Variants in PCDHGB1 observed in about 807,000 individuals in gnomAD.
PCDHGB1 encodes protocadherin gamma-B1.
A neutral mutation model predicts 56.6 loss-of-function variants in PCDHGB1; 34 were observed. That is an observed-to-expected ratio of 0.60 (90% CI 0.46 to 0.80). The LOEUF is 0.80. Ranked by LOEUF, PCDHGB1 falls within the 30% of genes least tolerant of loss-of-function variation. The probability of loss-of-function intolerance (pLI) is 0.00; values close to 1 mark genes in which losing one functional copy is unlikely to be tolerated. For missense variants in PCDHGB1, 1,278 were observed against 1,204.6 expected (o/e 1.06, Z -0.90); for synonymous variants, 561 against 505.9 (o/e 1.11, Z -1.46).
chr5:141,419,140 G>C, intron 1 of PCDHGB1: 1 of 1,613,868 alleles, frequency 6.2e-7, no homozygotes, highest in Non-Finnish European at 8.5e-7. Flanking sequence ...CCACAGACAG[G>C]GGCAAGCCTC....
chr5:141,403,856 T>A, intron 1 of PCDHGB1: 1 of 1,613,604 alleles, frequency 6.2e-7, no homozygotes, highest in Non-Finnish European at 8.5e-7. Context: ...TGGGGAAATA[T>A]CAACAGCAAA....
At chr5:141,438,571 T>TATAC (rs1212381177) in intron 1 of PCDHGB1, among the ~76,000 whole-genome samples, 15 of 94,542 alleles carry the variant, frequency 1.6e-4, no homozygotes, top group South Asian at 1.0e-3. Flanking sequence ...AGCTGTCTGA[T>TATAC]ATACATACAT....
intron 1 of PCDHGB1, among the ~76,000 whole-genome samples, chr5:141,444,462 C>T (rs1314366280): frequency 3.3e-5 from 5 of 152,002 alleles, no homozygotes; most frequent in African/African-American, 9.7e-5. Flanking sequence ...TGAGTCACTG[C>T]GCCCGGTCGC....
intron 1 of PCDHGB1, chr5:141,365,372 A>T (rs1763874663): frequency 6.2e-7 from 1 of 1,613,798 alleles, no homozygotes; most frequent in African/African-American, 1.3e-5. Flanking sequence ...CCCCGAAGTG[A>T]TCCTCACCTC....
chr5:141,489,287 T>C lies in PCDHGB1; in HGVS notation c.2410-5520T>C. 1 of 1,573,410 alleles carries C rather than the reference T, an allele frequency of 6.4e-7. No individual in the cohort carries two copies. Among genetic ancestry groups the C allele is most frequent in the Non-Finnish European group, 8.6e-7 (1 of 1,159,858 alleles). ...CAGCTCGCTGGGAAATGGCAAGTGC[T>C]GTGCATGTTGTCCTTGTGCTGCTGG... On this transcript the variant is annotated intron_variant, in intron 1 of 3. Transcript: ENST00000523390. The surrounding 1 kb of genome is among the most constrained non-coding windows in gnomAD (Gnocchi z 4.5).
intron 1 of PCDHGB1, among the ~76,000 whole-genome samples, chr5:141,379,998 C>A (rs560610207): frequency 7.1e-6 from 1 of 140,462 alleles, no homozygotes; most frequent in South Asian, 2.4e-4. Flanking sequence ...CTCCTGGGTT[C>A]AAGCGATTCT....
rs778744503 is a variant in PCDHGB1, at chr5:141,511,152, G to A, written c.2763G>A (p.Ser921=). Residue 921 remains serine (S), a synonymous_variant, in exon 4 of 4, where the codon TCG becomes TCA. Transcript: ENST00000523390. The part of the protein sequence containing the change: ...PAGGNGNKKK[S]GKKEKK ...GTGGCAATGGCAACAAGAAGAAGTCGGGCAAGAAGGAGAAGAAGTAACATG... is the reference window on the plus strand; with the variant it reads ...GTGGCAATGGCAACAAGAAGAAGTCAGGCAAGAAGGAGAAGAAGTAACATG... The A allele has an allele frequency of 2.0e-5, 32 of 1,614,022 alleles. No individual in the cohort carries two copies. Among genetic ancestry groups the A allele is most frequent in the South Asian group, 4.4e-5 (4 of 91,090 alleles).
At chr5:141,389,671 C>T in intron 1 of PCDHGB1, 1 of 1,612,458 alleles carries the variant, frequency 6.2e-7, no homozygotes, top group Non-Finnish European at 8.5e-7. Flanking sequence ...GACGCAGACT[C>T]AGGACACAAC....
intron 1 of PCDHGB1, among the ~76,000 whole-genome samples, chr5:141,481,655 T>A (rs933683728): frequency 1.3e-5 from 2 of 152,054 alleles, no homozygotes; most frequent in African/African-American, 4.8e-5. Flanking sequence ...TCATCTCTAC[T>A]AATAATACAA....
At position 141,491,049 on chromosome 5, in the gene PCDHGB1, G is replaced by C; in HGVS notation, c.2410-3758G>C. The C allele has an allele frequency of 1.2e-6, 2 of 1,614,116 alleles. No homozygotes were observed. Among genetic ancestry groups the C allele is most frequent in the Admixed American group, 3.3e-5 (2 of 60,024 alleles). On this transcript the variant is annotated intron_variant, in intron 1 of 3. Transcript: ENST00000523390. This position sits in a 1 kb window ranked among gnomAD's most constrained non-coding sequence, Gnocchi z 6.9. ...TGGATGCTGATGCAGGCCACAATGC[G>C]TGGCTCTCCTACTCACTGTTGCCAC...
Position 141,487,193 on chromosome 5 carries a change from C to T in PCDHGB1, c.2410-7614C>T. 6.2e-7 allele frequency: 1 copy of T among 1,613,784 alleles called. No individual in the cohort carries two copies. Among genetic ancestry groups the T allele is most frequent in the Non-Finnish European group, 8.5e-7 (1 of 1,179,724 alleles). On this transcript the variant is annotated intron_variant, in intron 1 of 3. Transcript: ENST00000523390. The surrounding 1 kb of genome is among the most constrained non-coding windows in gnomAD (Gnocchi z 5.0). ...AGAGGAAGACACTCATCCAGTTGTC[C>T]CAGATCTTCGAGAATCTTCAGCTCC...
At chr5:141,469,511 G>T (rs2099203340) in intron 1 of PCDHGB1, among the ~76,000 whole-genome samples, 2 of 152,038 alleles carry the variant, frequency 1.3e-5, no homozygotes, top group South Asian at 2.1e-4. Flanking sequence ...GGAGGTGGAG[G>T]TTGCAGTGAG....
intron 1 of PCDHGB1, chr5:141,374,698 A>G: frequency 6.2e-7 from 1 of 1,609,364 alleles, no homozygotes; most frequent in Non-Finnish European, 8.5e-7. Context: ...GGGAAGGAGA[A>G]GCCGTTTACC....
chr5:141,398,048 G>T, intron 1 of PCDHGB1: 2 of 1,506,604 alleles, frequency 1.3e-6, no homozygotes, highest in South Asian at 1.3e-5. Flanking sequence ...CCCGTTCGGA[G>T]ATCCAAAAAT....
Position 141,350,352 on chromosome 5 carries a change from T to C in PCDHGB1, c.92T>C (p.Ile31Thr), listed in dbSNP as rs1758454305. 6.4e-7 allele frequency: 1 copy of C among 1,562,780 alleles called. No individual in the cohort carries two copies. The highest frequency in any genetic ancestry group is 8.7e-7 in the Non-Finnish European group (1 of 1,154,614). Residue 31 changes from isoleucine (I) to threonine (T), a missense_variant, in exon 1 of 4, where the codon ATC becomes ACC. Ile to Thr is a moderately conservative substitution (Grantham distance 89, BLOSUM62 -1). Transcript: ENST00000523390. Reference sequence around the variant, plus strand: ...TTCTGCGGGGCCATCTCCCAGCAGATCCGATACACGATTCCAGAGGAGCTA... The same window carrying C: ...TTCTGCGGGGCCATCTCCCAGCAGACCCGATACACGATTCCAGAGGAGCTA... Reference protein sequence around the residue: ...SLFCGAISQQIRYTIPEELAN... With the variant: ...SLFCGAISQQTRYTIPEELAN...
chr5:141,402,867 C>A (rs996572604), intron 1 of PCDHGB1: 7 of 1,443,390 alleles, frequency 4.8e-6, no homozygotes, highest in Non-Finnish European at 6.4e-6. Context: ...AGGAAAAGAT[C>A]ACCATACTTT....
At chr5:141,365,677 A>C (rs753922826) in intron 1 of PCDHGB1, 1 of 1,613,140 alleles carries the variant, frequency 6.2e-7, no homozygotes, top group South Asian at 1.1e-5. Flanking sequence ...ATGACAACCC[A>C]CCCAATTTCC....
intron 1 of PCDHGB1, among the ~76,000 whole-genome samples, chr5:141,468,830 C>T (rs561511870): frequency 2.0e-5 from 3 of 152,170 alleles, no homozygotes; most frequent in East Asian, 1.9e-4. Flanking sequence ...CAAGCCACTG[C>T]ACTCCAGCCT....
chr5:141,404,942 A>G, intron 1 of PCDHGB1: 2 of 1,613,982 alleles, frequency 1.2e-6, no homozygotes, highest in South Asian at 1.1e-5. Context: ...CACAGTAGCC[A>G]TAGCTGACAG....
Sources: gnomAD v4.1 joint callset for allele counts (sites outside exome capture counted in the v4.1 genomes callset) on GRCh38, gnomAD v4.1.1 for gene constraint, Gnocchi (gnomAD v3.1) non-coding constraint, MANE v1.5 for transcripts, NCBI Gene and HGNC (gene_info 2026-07-23, HGNC 2026-07-21) for gene names.